Variants in SUCLA2 observed in about 807,000 individuals in gnomAD.
The protein encoded by SUCLA2 is succinate-CoA ligase ADP-forming subunit beta.
A neutral mutation model predicts 54.8 loss-of-function variants in SUCLA2; 30 were observed. That is an observed-to-expected ratio of 0.55 (90% confidence interval 0.41 to 0.74). SUCLA2 has a LOEUF of 0.74. Ranked by LOEUF, SUCLA2 falls within the 30% of genes least tolerant of loss-of-function variation. The pLI is 0.00. For synonymous variants in SUCLA2, 172 were observed against 188.9 expected, an observed-to-expected ratio of 0.91 and a Z score of 0.74; for missense variants, 476 against 562.9, an observed-to-expected ratio of 0.85 and a Z score of 1.56.
intron 4 of SUCLA2, 47 bp from the exon 5 acceptor site, chr13:47,973,439 C>T: frequency 6.2e-7 from 1 of 1,603,402 alleles, no homozygotes; most frequent in South Asian, 1.1e-5. Flanking sequence ...ATTTTAGACT[C>T]ATCAATGAAA....
At chr13:47,983,039 A>G (rs912492742) in intron 4 of SUCLA2, among the ~76,000 whole-genome samples, 6 of 152,206 alleles carry the variant, frequency 3.9e-5, no homozygotes, top group African/African-American at 1.4e-4. Context: ...AGTAAGGGCA[A>G]TCAAGTGCAG....
At chr13:47,999,754 T>G (rs1372899087) in intron 1 of SUCLA2, among the ~76,000 whole-genome samples, 4 of 151,780 alleles carry the variant, frequency 2.6e-5, no homozygotes. Flanking sequence ...AAATTAAATG[T>G]GTGACCTTGA....
chr13:47,965,763 T>C (rs1949913030), intron 6 of SUCLA2: 1 of 393,976 alleles, frequency 2.5e-6, no homozygotes, highest in Non-Finnish European at 4.5e-6. Context: ...AGTCAGGTTA[T>C]ATAAGAGAAC....
At chr13:47,950,343 C>T (rs1949766362) in intron 8 of SUCLA2, among the ~76,000 whole-genome samples, 1 of 152,186 alleles carries the variant, frequency 6.6e-6, no homozygotes, top group Non-Finnish European at 1.5e-5. Context: ...GCCATAGCTT[C>T]TGTTTCTAAG....
Position 47,968,602 on chromosome 13 carries a change from AT to A in SUCLA2, c.794del (p.Asp265ValfsTer54). ...CAAAAGAAGATACTTTACCAGCTCC[AT>A]CTGAATCTTCCACCATTGGATTTAT... ...IEINPMVEDS[D>X]GAVLCMDAKI... On this transcript the variant is annotated frameshift_variant, in exon 6 of 11. Coordinates refer to ENST00000646932, the MANE Select transcript of SUCLA2 (RefSeq NM_003850.3). LOFTEE classifies it high-confidence loss of function. The A allele has an allele frequency of 6.2e-7, 1 of 1,611,676 alleles. No individual in the cohort carries two copies. The highest frequency in any genetic ancestry group is 8.5e-7 in the Non-Finnish European group (1 of 1,179,754).
At chr13:47,982,832 A>C (rs7990505) in intron 4 of SUCLA2, among the ~76,000 whole-genome samples, 110,820 of 152,004 alleles carry the variant, frequency 0.73, 41,358 homozygotes, top group Non-Finnish European at 0.82. Flanking sequence ...GTGGAAACTT[A>C]GTGTTTGGGA....
intron 4 of SUCLA2, among the ~76,000 whole-genome samples, chr13:47,978,293 G>C (rs1950034121): frequency 6.6e-6 from 1 of 152,168 alleles, no homozygotes; most frequent in Non-Finnish European, 1.5e-5. Flanking sequence ...AAACAAAACA[G>C]GATGGCACTG....
chr13:47,969,430 A>C (rs557158068), intron 5 of SUCLA2, among the ~76,000 whole-genome samples: 1 of 152,356 alleles, frequency 6.6e-6, no homozygotes, highest in Admixed American at 6.5e-5. Context: ...AAGATGTTTA[A>C]CTTTATAATA....
At chr13:47,946,350 A>G (rs1949731252) in intron 10 of SUCLA2, among the ~76,000 whole-genome samples, 1 of 152,318 alleles carries the variant, frequency 6.6e-6, no homozygotes, top group African/African-American at 2.4e-5. Context: ...AGGGGGGACT[A>G]CTGCACACAT....
intron 2 of SUCLA2, chr13:47,994,932 A>C: frequency 1.2e-6 from 1 of 833,948 alleles, no homozygotes; most frequent in Non-Finnish European, 1.4e-6. Flanking sequence ...GCATAATCAA[A>C]ACAGATTGGC....
At chr13:47,944,512 G>C (rs1949713545) in intron 10 of SUCLA2, among the ~76,000 whole-genome samples, 1 of 151,732 alleles carries the variant, frequency 6.6e-6, no homozygotes, top group Non-Finnish European at 1.5e-5. Context: ...TTCCAAAAAA[G>C]TGCACTTTCA....
intron 10 of SUCLA2, among the ~76,000 whole-genome samples, chr13:47,947,655 T>C (rs1949743548): frequency 6.6e-6 from 1 of 152,166 alleles, no homozygotes; most frequent in African/African-American, 2.4e-5. Flanking sequence ...AAACACCTAC[T>C]ATGAAATATT....
At chr13:47,985,272 T>C (rs1950092316) in intron 4 of SUCLA2, among the ~76,000 whole-genome samples, 1 of 152,150 alleles carries the variant, frequency 6.6e-6, no homozygotes. Flanking sequence ...GTCCAGGATG[T>C]GTAGGTTTGT....
At chr13:47,986,446 C>T (rs892047516) in intron 4 of SUCLA2, among the ~76,000 whole-genome samples, 3 of 152,052 alleles carry the variant, frequency 2.0e-5, no homozygotes, top group African/African-American at 7.2e-5. Flanking sequence ...GATATTAGAC[C>T]TTTGTCGGAA....
At chr13:47,952,703 T>C (rs1345493047) in intron 8 of SUCLA2, among the ~76,000 whole-genome samples, 10 of 152,180 alleles carry the variant, frequency 6.6e-5, no homozygotes, top group Non-Finnish European at 8.8e-5. Flanking sequence ...GAATTCATTA[T>C]GAATTCTCTT....
At chr13:47,986,033 T>TG in intron 4 of SUCLA2, among the ~76,000 whole-genome samples, 1 of 130,884 alleles carries the variant, frequency 7.6e-6, no homozygotes, top group African/African-American at 2.8e-5. Context: ...TGTATAGTTT[T>TG]TTTTTTTTTT....
intron 4 of SUCLA2, among the ~76,000 whole-genome samples, chr13:47,981,775 T>C (rs1480371947): frequency 6.6e-6 from 1 of 152,204 alleles, no homozygotes; most frequent in African/African-American, 2.4e-5. Context: ...ATCGCACCAC[T>C]GCACTCCAGC....
At chr13:47,961,429 A>G (rs1445338148) in intron 6 of SUCLA2, among the ~76,000 whole-genome samples, 1 of 152,124 alleles carries the variant, frequency 6.6e-6, no homozygotes, top group Non-Finnish European at 1.5e-5. Flanking sequence ...TTGTGATTCT[A>G]TTTTGTGATA....
At chr13:47,970,257 C>G (rs1949951885) in intron 5 of SUCLA2, among the ~76,000 whole-genome samples, 1 of 152,112 alleles carries the variant, frequency 6.6e-6, no homozygotes, top group Non-Finnish European at 1.5e-5. Context: ...AATGTTTAGG[C>G]TTAAACATTT....
Sources: allele counts gnomAD v4.1 joint callset (sites outside exome capture counted in the v4.1 genomes callset), GRCh38; gene constraint gnomAD v4.1.1; transcripts MANE v1.5; gene names NCBI Gene and HGNC (gene_info 2026-07-23, HGNC 2026-07-21).